CNTN4: variants seen among roughly 807,000 people sequenced by gnomAD.
The protein encoded by CNTN4 is contactin-4.
In CNTN4, 77 loss-of-function variants were observed where a neutral mutation model predicts 122.5. The observed-to-expected ratio is 0.63, with a 90% CI of 0.52 to 0.76. CNTN4 has a LOEUF of 0.76. Ranked by LOEUF, CNTN4 falls within the 30% of genes least tolerant of loss-of-function variation. The pLI is 0.00. For missense variants in CNTN4, 1,256 were observed against 1,259.1 expected (o/e 1.00, Z 0.04); for synonymous variants, 512 against 447.0 (o/e 1.15, Z -1.83).
At chr3:2,287,473 A>C (rs1390666477) in intron 2 of CNTN4, among the ~76,000 whole-genome samples, 1 of 151,684 alleles carries the variant, frequency 6.6e-6, no homozygotes, top group Non-Finnish European at 1.5e-5. Flanking sequence ...ATGGTGGTGC[A>C]CACCTGTAGT....
intron 4 of CNTN4, among the ~76,000 whole-genome samples, chr3:2,699,036 G>T (rs934019661): frequency 1.4e-5 from 2 of 147,290 alleles, no homozygotes; most frequent in African/African-American, 5.0e-5. Context: ...AAAAAAAAAA[G>T]AACCTGGGAT....
intron 4 of CNTN4, among the ~76,000 whole-genome samples, chr3:2,595,992 T>C (rs1389355865): frequency 6.6e-6 from 1 of 152,204 alleles, no homozygotes; most frequent in Admixed American, 6.5e-5. Context: ...TCATGGTTTT[T>C]CTCTTCTAAG....
At chr3:3,001,027 A>G (rs991782697) in intron 14 of CNTN4, among the ~76,000 whole-genome samples, 5 of 152,048 alleles carry the variant, frequency 3.3e-5, no homozygotes, top group Non-Finnish European at 5.9e-5. Flanking sequence ...TCCGTTTTCT[A>G]TTTAATCATA....
At chr3:2,887,768 C>T (rs950103442) in intron 10 of CNTN4, among the ~76,000 whole-genome samples, 5 of 152,096 alleles carry the variant, frequency 3.3e-5, no homozygotes, top group African/African-American at 1.2e-4. Flanking sequence ...TGCAGCTGCT[C>T]CTATTCCAAT....
At chr3:2,359,118 A>G (rs1014762659) in intron 3 of CNTN4, among the ~76,000 whole-genome samples, 14 of 152,174 alleles carry the variant, frequency 9.2e-5, no homozygotes, top group African/African-American at 3.1e-4. Flanking sequence ...TTATTTGCAG[A>G]TTTTAATCAA....
intron 6 of CNTN4, among the ~76,000 whole-genome samples, chr3:2,779,885 G>C (rs4056952): frequency 2.6e-5 from 4 of 152,012 alleles, no homozygotes; most frequent in African/African-American, 9.7e-5. Flanking sequence ...GTAGCAATAC[G>C]TTATTTCAAA....
At chr3:2,382,867 A>G (rs1465983708) in intron 3 of CNTN4, among the ~76,000 whole-genome samples, 4 of 152,142 alleles carry the variant, frequency 2.6e-5, no homozygotes, top group Non-Finnish European at 5.9e-5. Flanking sequence ...TGAGGTCAGG[A>G]GTTCGAGACC....
At chr3:2,623,002 T>C (rs2082047107) in intron 4 of CNTN4, among the ~76,000 whole-genome samples, 1 of 152,218 alleles carries the variant, frequency 6.6e-6, no homozygotes, top group African/African-American at 2.4e-5. Context: ...TTTCTGTAGC[T>C]ATCAAGGACT....
chr3:2,510,141 C>G (rs965158182), intron 3 of CNTN4, among the ~76,000 whole-genome samples: 1 of 152,132 alleles, frequency 6.6e-6, no homozygotes, highest in Non-Finnish European at 1.5e-5. Flanking sequence ...AACAAAGACC[C>G]TCCATCCCCA....
At chr3:3,019,311 A>T (rs994044760) in intron 14 of CNTN4, among the ~76,000 whole-genome samples, 6 of 151,850 alleles carry the variant, frequency 4.0e-5, no homozygotes, top group Non-Finnish European at 7.4e-5. Flanking sequence ...ATTTTAGTTT[A>T]TTATTCTTTT....
chr3:2,226,736 C>T (rs1200079476), intron 2 of CNTN4, among the ~76,000 whole-genome samples: 2 of 151,906 alleles, frequency 1.3e-5, no homozygotes, highest in East Asian at 3.9e-4. Context: ...TAAAAAGAGC[C>T]ATTTAGTAGT....
intron 10 of CNTN4, among the ~76,000 whole-genome samples, chr3:2,895,920 C>A (rs964046692): frequency 6.6e-6 from 1 of 152,150 alleles, no homozygotes; most frequent in Non-Finnish European, 1.5e-5. Flanking sequence ...GTGGTCCCAG[C>A]TACTCGGGAG....
chr3:2,480,941 A>G (rs60239556), intron 3 of CNTN4, among the ~76,000 whole-genome samples: 59,047 of 151,968 alleles, frequency 0.39, 11,983 homozygotes, highest in East Asian at 0.6. Flanking sequence ...ATCCACATCA[A>G]TATAGTTAGC....
chr3:2,776,835 C>T (rs1032052080), intron 6 of CNTN4, among the ~76,000 whole-genome samples: 1 of 152,264 alleles, frequency 6.6e-6, no homozygotes, highest in East Asian at 1.9e-4. Context: ...TAAATGGAAA[C>T]AGACATACCC....
At chr3:2,575,795 GC>G in intron 4 of CNTN4, among the ~76,000 whole-genome samples, 2 of 138,928 alleles carry the variant, frequency 1.4e-5, no homozygotes, top group African/African-American at 5.4e-5. Context: ...GATATATTTT[GC>G]TTTCTTCTTC....
intron 4 of CNTN4, among the ~76,000 whole-genome samples, chr3:2,728,521 C>T (rs1468587747): frequency 4.6e-5 from 7 of 152,334 alleles, no homozygotes; most frequent in Admixed American, 2.6e-4. Context: ...CTTAGCAGAA[C>T]TTCCCCTTCC....
chr3:2,659,723 G>A (rs1489882200), intron 4 of CNTN4, among the ~76,000 whole-genome samples: 1 of 151,944 alleles, frequency 6.6e-6, no homozygotes, highest in Non-Finnish European at 1.5e-5. Context: ...CTTTTCATTT[G>A]TTATGCTTTA....
At chr3:2,152,952 C>T (rs1390478173) in intron 2 of CNTN4, among the ~76,000 whole-genome samples, 1 of 152,186 alleles carries the variant, frequency 6.6e-6, no homozygotes, top group Non-Finnish European at 1.5e-5. Flanking sequence ...CTAAGCCCAG[C>T]TCATCCCACA....
chr3:2,306,580 C>T (rs1294834834), intron 2 of CNTN4, among the ~76,000 whole-genome samples: 1 of 151,744 alleles, frequency 6.6e-6, no homozygotes, highest in African/African-American at 2.4e-5. Context: ...TGTTTTTTTT[C>T]AGGATGTTTC....
Sources: gnomAD v4.1 joint callset for allele counts (sites outside exome capture counted in the v4.1 genomes callset) on GRCh38, gnomAD v4.1.1 for gene constraint, MANE v1.5 for transcripts, NCBI Gene and HGNC (gene_info 2026-07-23, HGNC 2026-07-21) for gene names.